ADAM22: variants seen among roughly 807,000 people sequenced by gnomAD.
ADAM22 encodes the protein ADAM metallopeptidase domain 22, also known as disintegrin and metalloproteinase domain-containing protein 22.
In ADAM22, 65 loss-of-function variants were observed where a neutral mutation model predicts 144.6. The observed-to-expected ratio is 0.45, with a 90% CI of 0.37 to 0.55. The LOEUF is 0.55. Among genes scored for constraint, ADAM22 ranks in the 20% least tolerant of loss-of-function variants. The pLI, the probability that ADAM22 is intolerant of heterozygous loss-of-function variation, is 0.00. For synonymous variants in ADAM22, 391 were observed against 412.6 expected, an observed-to-expected ratio of 0.95 and a Z score of 0.63; for missense variants, 974 against 1,184.9, an observed-to-expected ratio of 0.82 and a Z score of 2.61.
intron 17 of ADAM22, 49 bp from the exon 18 acceptor site, chr7:88,148,928 A>ATTT: frequency 7.2e-7 from 1 of 1,382,524 alleles, no homozygotes; most frequent in Admixed American, 2.1e-5. Flanking sequence ...ATATTGTAAG[A>ATTT]TTTTTTTTTC....
chr7:88,055,723 C>T (rs1474300977), intron 3 of ADAM22, among the ~76,000 whole-genome samples: 1 of 152,202 alleles, frequency 6.6e-6, no homozygotes, highest in Non-Finnish European at 1.5e-5. Flanking sequence ...GTGCCAGTTT[C>T]CCTACCTGAA....
intron 23 of ADAM22, 66 bp downstream of exon 23, chr7:88,163,246 C>T (rs775057543): frequency 2.3e-5 from 31 of 1,324,062 alleles, no homozygotes; most frequent in Non-Finnish European, 3.0e-5. Flanking sequence ...GGACCCTAAA[C>T]TATTTATTTT....
chr7:88,136,548 C>T (rs533567354), intron 14 of ADAM22, among the ~76,000 whole-genome samples: 29 of 152,208 alleles, frequency 1.9e-4, no homozygotes, highest in African/African-American at 6.7e-4. Flanking sequence ...CATTTTTATA[C>T]TGTCCTCCCT....
intron 5 of ADAM22, 71 bp downstream of exon 5, chr7:88,108,329 A>G (rs1013056612): frequency 5.2e-6 from 6 of 1,161,428 alleles, no homozygotes; most frequent in Non-Finnish European, 7.5e-6. Context: ...TGAATGCACT[A>G]TAGTAGATAT....
At chr7:87,959,233 T>C (rs989440471) in intron 2 of ADAM22, among the ~76,000 whole-genome samples, 11 of 152,188 alleles carry the variant, frequency 7.2e-5, no homozygotes, top group African/African-American at 2.7e-4. Flanking sequence ...CTTAACTTCT[T>C]TAATCTTGGG....
chr7:88,149,006 A>G lies in ADAM22; in HGVS notation c.1515A>G (p.Glu505=). The G allele has an allele frequency of 6.2e-7, 1 of 1,612,540 alleles. No individual in the cohort carries two copies. Among genetic ancestry groups the G allele is most frequent in the Non-Finnish European group, 8.5e-7 (1 of 1,178,966 alleles). The part of the protein sequence containing the change: ...KFQPMGTVCR[E]AVNDCDIRET... ...AGCCTATGGGCACTGTGTGCCGAGA[A>G]GCAGTAAATGATTGTGATATTCGTG... The change falls in exon 18 of 32, where the codon GAA becomes GAG. Residue 505 remains glutamate, a synonymous_variant. Coordinates refer to ENST00000413139, the MANE Select transcript of ADAM22 (RefSeq NM_001324418.2).
chr7:88,195,656 C>T (rs1452424727), intron 31 of ADAM22, among the ~76,000 whole-genome samples: 1 of 152,110 alleles, frequency 6.6e-6, no homozygotes. Flanking sequence ...GCTGGGACTA[C>T]AGGTGCCCGC....
intron 3 of ADAM22, among the ~76,000 whole-genome samples, chr7:88,043,346 G>C (rs1011212340): frequency 6.6e-6 from 1 of 151,868 alleles, no homozygotes; most frequent in East Asian, 1.9e-4. Context: ...TTAGCCCGGC[G>C]TGGTGGCGGG....
chr7:88,154,358 C>T (rs1839299609), intron 21 of ADAM22, among the ~76,000 whole-genome samples: 1 of 152,040 alleles, frequency 6.6e-6, no homozygotes, highest in East Asian at 1.9e-4. Context: ...CTTACCATTC[C>T]GAATATGTCC....
chr7:88,159,863 T>G (rs1026652097), intron 22 of ADAM22, among the ~76,000 whole-genome samples: 2 of 152,142 alleles, frequency 1.3e-5, no homozygotes, highest in African/African-American at 4.8e-5. Context: ...ATGTCCTCTC[T>G]CACCACTCCT....
chr7:87,990,243 C>T (rs1789477438), intron 3 of ADAM22, among the ~76,000 whole-genome samples: 1 of 152,100 alleles, frequency 6.6e-6, no homozygotes, highest in Non-Finnish European at 1.5e-5. Flanking sequence ...AGAGGTATGG[C>T]CAGTGGCACT....
At chr7:88,073,275 C>T (rs2129479632) in intron 3 of ADAM22, among the ~76,000 whole-genome samples, 1 of 152,082 alleles carries the variant, frequency 6.6e-6, no homozygotes, top group African/African-American at 2.4e-5. Context: ...AAATACAAGG[C>T]TTTTTTTCTT....
intron 18 of ADAM22, 91 bp downstream of exon 18, chr7:88,149,148 A>T (rs1837573123): frequency 2.3e-6 from 2 of 855,108 alleles, no homozygotes. Flanking sequence ...TAAATGAACA[A>T]GATGCTCGTG....
intron 14 of ADAM22, among the ~76,000 whole-genome samples, chr7:88,136,521 C>T (rs1586063256): frequency 6.6e-6 from 1 of 152,100 alleles, no homozygotes; most frequent in African/African-American, 2.4e-5. Flanking sequence ...ACAATCTGCT[C>T]TCCCGAGAAA....
At chr7:88,023,702 G>T (rs1299414195) in intron 3 of ADAM22, among the ~76,000 whole-genome samples, 1 of 152,040 alleles carries the variant, frequency 6.6e-6, no homozygotes, top group African/African-American at 2.4e-5. Context: ...CACTGCCCCC[G>T]GCTTAGTTAT....
At chr7:88,078,836 A>G (rs1815533240) in intron 4 of ADAM22, among the ~76,000 whole-genome samples, 1 of 152,238 alleles carries the variant, frequency 6.6e-6, no homozygotes, top group African/African-American at 2.4e-5. Flanking sequence ...TCCAAGAAAT[A>G]TGAGACTATG....
chr7:88,052,292 T>C (rs1038256721), intron 3 of ADAM22, among the ~76,000 whole-genome samples: 23 of 146,944 alleles, frequency 1.6e-4, no homozygotes, highest in Non-Finnish European at 1.8e-4. Context: ...GGTCAGGAGA[T>C]CGAGACCATC....
intron 3 of ADAM22, among the ~76,000 whole-genome samples, chr7:88,056,656 T>C (rs1363303787): frequency 1.3e-5 from 2 of 152,202 alleles, no homozygotes; most frequent in African/African-American, 4.8e-5. Context: ...ATAATATATA[T>C]GATGTTTTCT....
rs1835261589 is a variant in ADAM22, at chr7:88,143,011, TC to T, written c.1221-14del. ...ATGAGTTGAACCCAGCTATTGCTTT[TC>T]TTCTCTTTTATAGCTATTATCTTCC... On this transcript the variant is annotated splice_polypyrimidine_tract_variant and intron_variant, in intron 14 of 31. Coordinates refer to ENST00000413139, the MANE Select transcript of ADAM22 (RefSeq NM_001324418.2). The T allele has an allele frequency of 6.5e-7, 1 of 1,530,090 alleles. No homozygotes were observed. Among genetic ancestry groups the T allele is most frequent in the Non-Finnish European group, 9.0e-7 (1 of 1,110,234 alleles). The allele number at this position is 1,530,090 out of a possible 1,614,324, so 94.8% of individuals were successfully genotyped here. A position where few individuals can be genotyped will look rare whatever the true frequency, so the allele number is the denominator to read the frequency against.
Sources: allele counts gnomAD v4.1 joint callset (sites outside exome capture counted in the v4.1 genomes callset), GRCh38; gene constraint gnomAD v4.1.1; transcripts MANE v1.5; gene names NCBI Gene and HGNC (gene_info 2026-07-23, HGNC 2026-07-21).